NR1I2: variants seen among roughly 807,000 people sequenced by gnomAD.
NR1I2 encodes the protein nuclear receptor subfamily 1 group I member 2.
Under a neutral mutation model 43.3 loss-of-function variants are expected in NR1I2, and 42 were observed. That is an observed-to-expected ratio of 0.97 (90% CI 0.76 to 1.26). The LOEUF (loss-of-function observed/expected upper bound fraction) is 1.26, where lower values mean the gene tolerates loss of function less well. Among genes scored for constraint, NR1I2 ranks in the 50% most tolerant of loss-of-function variants. The probability of loss-of-function intolerance (pLI) is 0.00; values close to 1 mark genes in which losing one functional copy is unlikely to be tolerated. For synonymous variants in NR1I2, 229 were observed against 215.0 expected, an observed-to-expected ratio of 1.06 and a Z score of -0.57; for missense variants, 559 against 566.7, an observed-to-expected ratio of 0.99 and a Z score of 0.14.
At chr3:119,792,491 C>T (rs564049421) in intron 1 of NR1I2, 9 of 1,073,896 alleles carry the variant, frequency 8.4e-6, no homozygotes, top group South Asian at 4.0e-5. Flanking sequence ...CCAGCTCTCT[C>T]GCTCTTGGAA....
intron 1 of NR1I2, among the ~76,000 whole-genome samples, chr3:119,788,353 A>G (rs1686242430): frequency 6.6e-6 from 1 of 152,194 alleles, no homozygotes; most frequent in African/African-American, 2.4e-5. Flanking sequence ...CCTGGCCTCA[A>G]GTGATCCTCC....
chr3:119,801,298 A>G (rs2055077066), intron 1 of NR1I2, among the ~76,000 whole-genome samples: 1 of 152,248 alleles, frequency 6.6e-6, no homozygotes, highest in African/African-American at 2.4e-5. Flanking sequence ...CACTCAGTAC[A>G]GGAGATGATC....
At position 119,784,439 on chromosome 3, in the gene NR1I2, C is replaced by G. The variant is rs987248775; in HGVS notation, c.-23+2139C>G. ...TCTTTGTAGGAGTTTTTTATTTATT[C>G]TCAATGCAAATTATTTGATATGTGT... On this transcript the variant is annotated intron_variant, in intron 1 of 8. Transcript: ENST00000393716. Among the ~76,000 whole-genome samples the G allele has an allele frequency of 2.0e-5, 3 of 151,498 alleles. No homozygotes were observed. The East Asian group carries it at 5.8e-4, about 29-fold the overall frequency.
At chr3:119,782,501 CA>C (rs2054787156) in intron 1 of NR1I2, among the ~76,000 whole-genome samples, 4 of 152,130 alleles carry the variant, frequency 2.6e-5, no homozygotes, top group Non-Finnish European at 4.4e-5. Context: ...TGTTGAGCCC[CA>C]TTACTGATGC....
chr3:119,816,766 G>A (rs946985134), intron 8 of NR1I2, among the ~76,000 whole-genome samples: 1 of 151,426 alleles, frequency 6.6e-6, no homozygotes, highest in Admixed American at 6.6e-5. Context: ...ACTGCAGTGA[G>A]TCCATGATCG....
chr3:119,791,614 T>C (rs779037077), intron 1 of NR1I2, among the ~76,000 whole-genome samples: 1 of 152,212 alleles, frequency 6.6e-6, no homozygotes, highest in Non-Finnish European at 1.5e-5. Context: ...CCAAATCTCA[T>C]GTTGAAATAT....
In NR1I2 at chr3:119,815,367, T is replaced by C. The variant is rs760231204; in HGVS notation, c.982T>C (p.Tyr328His). 6.2e-7 allele frequency: 1 copy of C among 1,613,926 alleles called. No homozygotes were observed. The highest frequency in any genetic ancestry group is 8.5e-7 in the Non-Finnish European group (1 of 1,180,010). ...ACTGGAGCCCATGCTGAAATTCCAC[T>C]ACATGCTGAAGAAGCTGCAGCTGCA... Residue 328 changes from tyrosine to histidine, a missense_variant, in exon 7 of 9, where the codon TAC becomes CAC. By Grantham distance (83) the Tyr-to-His change is moderately conservative. This residue lies in a region of NR1I2 where 323 missense variants were observed against 312.2 expected (regional missense o/e 1.03). Coordinates refer to ENST00000393716, the MANE Select transcript of NR1I2 (RefSeq NM_003889.4).
chr3:119,811,023 G>A (rs745820374), intron 3 of NR1I2: 2 of 155,884 alleles, frequency 1.3e-5, no homozygotes, highest in African/African-American at 2.4e-5. Flanking sequence ...GAAGAGTCTT[G>A]GTATATAATT....
At chr3:119,794,495 T>C (rs1271186133) in intron 1 of NR1I2, among the ~76,000 whole-genome samples, 1 of 150,450 alleles carries the variant, frequency 6.6e-6, no homozygotes, top group Non-Finnish European at 1.5e-5. Flanking sequence ...ACCCAGCCTT[T>C]TTTTTTTTTT....
intron 1 of NR1I2, among the ~76,000 whole-genome samples, chr3:119,799,963 AAAACAAAC>A (rs566598313): frequency 3.9e-4 from 59 of 150,994 alleles, no homozygotes; most frequent in Admixed American, 1.1e-3. Context: ...TTTGTCTCAA[AAAACAAAC>A]AAACAAACAA....
At chr3:119,813,880 C>G (rs1167872382) in intron 5 of NR1I2, among the ~76,000 whole-genome samples, 1 of 152,162 alleles carries the variant, frequency 6.6e-6, no homozygotes, top group Non-Finnish European at 1.5e-5. Flanking sequence ...CTTGCTATTT[C>G]TCAAGGCCAC....
intron 7 of NR1I2, 47 bp from the exon 8 acceptor site, chr3:119,815,679 G>A (rs762836592): frequency 8.6e-6 from 13 of 1,508,236 alleles, no homozygotes; most frequent in Non-Finnish European, 1.2e-5. Context: ...GCTGGACTGA[G>A]CTTGTCTTTG....
chr3:119,782,868 C>T, intron 1 of NR1I2: 1 of 1,604,140 alleles, frequency 6.2e-7, no homozygotes, highest in African/African-American at 1.3e-5. Context: ...TTTTCTACCT[C>T]TACTATTGAA....
At position 119,788,783 on chromosome 3, in the gene NR1I2, A is replaced by G. The variant is rs145645970; in HGVS notation, c.-23+6483A>G. 7.0e-4 allele frequency among the ~76,000 whole-genome samples: 106 copies of G among 152,290 alleles called. 1 individual carries two copies. The East Asian group carries it at 0.01, about 15-fold the overall frequency. On this transcript the variant is annotated intron_variant, in intron 1 of 8. Coordinates refer to ENST00000393716, the MANE Select transcript of NR1I2 (RefSeq NM_003889.4). ...CAATTTATAATGTGAGTCATTTCAC[A>G]TATCTCTTTGATTATTTATTTTATT... is the stretch of plus-strand genomic sequence containing the variant.
intron 4 of NR1I2, among the ~76,000 whole-genome samples, chr3:119,812,332 A>G (rs1222005203): frequency 6.6e-6 from 1 of 152,126 alleles, no homozygotes; most frequent in Admixed American, 6.5e-5. Context: ...TCCCATCCAT[A>G]GCACCCTAAA....
chr3:119,792,886 A>C (rs1421737621), intron 1 of NR1I2, among the ~76,000 whole-genome samples: 1 of 152,038 alleles, frequency 6.6e-6, no homozygotes, highest in East Asian at 1.9e-4. Context: ...AAAACAAAAA[A>C]CAAACAAAAA....
chr3:119,812,677 G>A lies in NR1I2; in HGVS notation c.520-9G>A. 1 of 1,613,650 alleles carries A rather than the reference G, an allele frequency of 6.2e-7. No homozygotes were observed. The highest frequency in any genetic ancestry group is 8.5e-7 in the Non-Finnish European group (1 of 1,179,982). On this transcript the variant is annotated splice_polypyrimidine_tract_variant and intron_variant, in intron 4 of 8. Transcript: ENST00000393716. ...CTCTCCTCTGTCCACCTCCTGGCAT[G>A]TGTCCTAGCTGCCAGGGGTGCTTAG...
chr3:119,800,039 C>T (rs1008649245), intron 1 of NR1I2, among the ~76,000 whole-genome samples: 2 of 152,136 alleles, frequency 1.3e-5, no homozygotes, highest in Non-Finnish European at 2.9e-5. Flanking sequence ...AGCCTTCACG[C>T]TTTTGGTGTC....
chr3:119,811,502 G>A, intron 3 of NR1I2, 37 bp from the exon 4 acceptor site: 1 of 1,578,636 alleles, frequency 6.3e-7, no homozygotes, highest in Non-Finnish European at 8.6e-7. Flanking sequence ...GCTCACCAGG[G>A]GCACGTGTGC....
Sources: gnomAD v4.1 joint callset for allele counts (sites outside exome capture counted in the v4.1 genomes callset) on GRCh38, gnomAD v4.1.1 for gene constraint, gnomAD v4.1.1 regional missense constraint, MANE v1.5 for transcripts, NCBI Gene and HGNC (gene_info 2026-07-23, HGNC 2026-07-21) for gene names.